The following PIWIL2 variants were observed in gnomAD, a reference collection of about 807,000 sequenced individuals.
PIWIL2 encodes the protein piwi-like protein 2.
In PIWIL2, 81 loss-of-function variants were observed where a neutral mutation model predicts 116.5. The observed-to-expected ratio is 0.70, with a 90% CI of 0.58 to 0.84. PIWIL2 has a LOEUF of 0.84. PIWIL2 is among the 40% of genes least tolerant of loss of function. PIWIL2 has a pLI of 0.00. For missense variants in PIWIL2, 1,272 were observed against 1,212.3 expected (o/e 1.05, Z -0.73); for synonymous variants, 489 against 429.5 (o/e 1.14, Z -1.71).
intron 14 of PIWIL2, among the ~76,000 whole-genome samples, chr8:22,308,713 T>C (rs1284183976): frequency 6.6e-6 from 1 of 152,188 alleles, no homozygotes; most frequent in Non-Finnish European, 1.5e-5. Context: ...AACTGAATCT[T>C]TGTGTGTGTT....
At position 22,281,116 on chromosome 8, in the gene PIWIL2, A is replaced by T. The variant is rs746263872; in HGVS notation, c.199-4A>T. The T allele has an allele frequency of 1.3e-6, 2 of 1,598,734 alleles. No individual in the cohort carries two copies. The highest frequency in any genetic ancestry group is 2.2e-5 in the East Asian group (1 of 44,730). ...TTAGAACTTTATTCTTTGACTTTCC[A>T]CAGGAGTCTGTGGGTTTGGTCTCCA... is the stretch of plus-strand genomic sequence containing the variant. On this transcript the variant is annotated splice_polypyrimidine_tract_variant and splice_region_variant and intron_variant, in intron 2 of 22. Coordinates refer to ENST00000356766, the MANE Select transcript of PIWIL2 (RefSeq NM_018068.5).
At chr8:22,327,024 C>CTTT (rs71544876) in intron 20 of PIWIL2, among the ~76,000 whole-genome samples, 4,898 of 105,342 alleles carry the variant, frequency 0.046, 280 homozygotes, top group Admixed American at 0.072. Context: ...TGTTTTTTTA[C>CTTT]TTTTTTTTTT....
chr8:22,350,263 A>G (rs1832324437), intron 20 of PIWIL2, among the ~76,000 whole-genome samples: 1 of 151,986 alleles, frequency 6.6e-6, no homozygotes, highest in Admixed American at 6.6e-5. Flanking sequence ...TACTGAGAAA[A>G]GATGGAGTAG....
chr8:22,305,011 T>C, intron 12 of PIWIL2, 143 bp downstream of exon 12: 1 of 639,480 alleles, frequency 1.6e-6, no homozygotes. Flanking sequence ...TTTGTCTGTC[T>C]CATCCAGCCA....
intron 20 of PIWIL2, among the ~76,000 whole-genome samples, chr8:22,327,673 A>G (rs1831757474): frequency 6.6e-6 from 1 of 152,062 alleles, no homozygotes; most frequent in Non-Finnish European, 1.5e-5. Flanking sequence ...GGCTTGAATC[A>G]TCACTGTTGT....
At chr8:22,341,794 G>A (rs1185027408) in intron 20 of PIWIL2, among the ~76,000 whole-genome samples, 1 of 152,036 alleles carries the variant, frequency 6.6e-6, no homozygotes, top group Non-Finnish European at 1.5e-5. Flanking sequence ...AGCTAATGCA[G>A]TAAGCAAAGG....
chr8:22,333,113 T>C (rs2132081841), intron 20 of PIWIL2, among the ~76,000 whole-genome samples: 1 of 152,262 alleles, frequency 6.6e-6, no homozygotes, highest in African/African-American at 2.4e-5. Context: ...CGTTACACTT[T>C]GATATGCTAT....
intron 10 of PIWIL2, among the ~76,000 whole-genome samples, chr8:22,296,797 A>T (rs1052574749): frequency 6.6e-6 from 1 of 151,992 alleles, no homozygotes; most frequent in Non-Finnish European, 1.5e-5. Flanking sequence ...ACTATTCTAT[A>T]TGAGATTATT....
chr8:22,297,939 C>T (rs1443962715), intron 10 of PIWIL2, among the ~76,000 whole-genome samples: 7 of 152,038 alleles, frequency 4.6e-5, no homozygotes, highest in Admixed American at 3.3e-4. Flanking sequence ...GTATAGACAG[C>T]AGTAAAAGCA....
chr8:22,294,089 A>G (rs1014747120), intron 10 of PIWIL2, among the ~76,000 whole-genome samples: 4 of 152,208 alleles, frequency 2.6e-5, no homozygotes, highest in South Asian at 2.1e-4. Context: ...TGTAATCCTG[A>G]CATTTTGGGA....
chr8:22,287,512 CTTCA>C lies in PIWIL2; in HGVS notation c.744-13_744-10del. 1 of 1,538,020 alleles carries C rather than the reference CTTCA, an allele frequency of 6.5e-7. No individual in the cohort carries two copies. The highest frequency in any genetic ancestry group is 9.0e-7 in the Non-Finnish European group (1 of 1,110,528). ...TTGAGTCAAGTTAAAGGAAAATCCT[CTTCA>C]TTATTTTCCAGCCCCAATGTGGAGT... On this transcript the variant is annotated splice_polypyrimidine_tract_variant and intron_variant, in intron 6 of 22. Coordinates refer to ENST00000356766, the MANE Select transcript of PIWIL2 (RefSeq NM_018068.5).
At chr8:22,324,264 A>G (rs1831673292) in intron 20 of PIWIL2, among the ~76,000 whole-genome samples, 2 of 152,212 alleles carry the variant, frequency 1.3e-5, no homozygotes, top group African/African-American at 4.8e-5. Context: ...TTTGTCTCAA[A>G]AAAAAGGAAT....
At chr8:22,323,507 G>A (rs556348753) in intron 20 of PIWIL2, among the ~76,000 whole-genome samples, 2 of 152,278 alleles carry the variant, frequency 1.3e-5, no homozygotes, top group Non-Finnish European at 2.9e-5. Flanking sequence ...TGGGATTATA[G>A]GCGTGAGCCA....
At chr8:22,276,275 A>G (rs998468792) in intron 1 of PIWIL2, among the ~76,000 whole-genome samples, 3 of 152,218 alleles carry the variant, frequency 2.0e-5, no homozygotes, top group Non-Finnish European at 2.9e-5. Context: ...CTTTAAATGT[A>G]TGATTTCTCT....
At chr8:22,318,930 A>G (rs1831531477) in intron 20 of PIWIL2, among the ~76,000 whole-genome samples, 1 of 152,246 alleles carries the variant, frequency 6.6e-6, no homozygotes, top group Admixed American at 6.5e-5. Context: ...TCAGCTTTTT[A>G]TAACTTATTA....
At chr8:22,347,650 C>G (rs1311942133) in intron 20 of PIWIL2, among the ~76,000 whole-genome samples, 1 of 151,554 alleles carries the variant, frequency 6.6e-6, no homozygotes, top group Non-Finnish European at 1.5e-5. Flanking sequence ...CCTCAGCCTC[C>G]TGAGTATCCG....
chr8:22,278,060 C>T (rs1336976909), intron 1 of PIWIL2, among the ~76,000 whole-genome samples: 5 of 151,634 alleles, frequency 3.3e-5, no homozygotes, highest in South Asian at 4.2e-4. Flanking sequence ...CCCAGCTACT[C>T]GGGACGCTGA....
At chr8:22,284,791 A>C (rs1830594612) in intron 6 of PIWIL2, among the ~76,000 whole-genome samples, 1 of 152,150 alleles carries the variant, frequency 6.6e-6, no homozygotes, top group Admixed American at 6.5e-5. Context: ...CTGCAGTTTT[A>C]TATCAATAAT....
At chr8:22,315,900 A>G (rs1245382077) in intron 18 of PIWIL2, among the ~76,000 whole-genome samples, 5 of 152,184 alleles carry the variant, frequency 3.3e-5, no homozygotes, top group Admixed American at 1.3e-4. Flanking sequence ...AAAATCTGCA[A>G]TCTGAAACAC....
Sources: gnomAD v4.1 joint callset for allele counts (sites outside exome capture counted in the v4.1 genomes callset) on GRCh38, gnomAD v4.1.1 for gene constraint, MANE v1.5 for transcripts, NCBI Gene and HGNC (gene_info 2026-07-23, HGNC 2026-07-21) for gene names.